The following LOC400499 variants were observed in gnomAD, a reference collection of about 807,000 sequenced individuals.
At chr16:11,402,364 T>C in the LOC400499 span, 1 of 387,620 alleles carries the variant, frequency 2.6e-6, no homozygotes, top group Non-Finnish European at 4.6e-6. Context: ...CCCTGCACTG[T>C]CCCTGTGGGA....
chr16:11,511,210 T>G, the LOC400499 span, among the ~76,000 whole-genome samples: 7 of 152,162 alleles, frequency 4.6e-5, no homozygotes, highest in African/African-American at 1.7e-4. Flanking sequence ...GTTGCCAGAC[T>G]GGTGTCAAAC....
At chr16:11,401,245 G>A in the LOC400499 span, 7 of 399,040 alleles carry the variant, frequency 1.8e-5, no homozygotes, top group Admixed American at 4.4e-5. Flanking sequence ...GGCCAAGGGC[G>A]CCTGGGACAT....
the LOC400499 span, among the ~76,000 whole-genome samples, chr16:11,517,794 G>T: frequency 6.6e-6 from 1 of 152,144 alleles, no homozygotes; most frequent in Admixed American, 6.5e-5. Flanking sequence ...GAAGTGAAGG[G>T]GTGGGAAGTG....
the LOC400499 span, among the ~76,000 whole-genome samples, chr16:11,502,541 T>C: frequency 2.0e-5 from 3 of 152,166 alleles, no homozygotes; most frequent in African/African-American, 7.2e-5. Context: ...GATTGTAATA[T>C]AATTATTCTA....
the LOC400499 span, chr16:11,518,909 T>G: frequency 2.5e-6 from 1 of 399,056 alleles, no homozygotes. Flanking sequence ...CCTCAGGCTC[T>G]CCGACTCCTT....
the LOC400499 span, chr16:11,396,539 C>T: frequency 3.2e-6 from 4 of 1,232,078 alleles, no homozygotes; most frequent in Middle Eastern, 3.1e-4. Flanking sequence ...GTCAGCTGAA[C>T]GAGGCCTGCT....
chr16:11,493,828 G>T, the LOC400499 span: 2 of 301,442 alleles, frequency 6.6e-6, no homozygotes, highest in Admixed American at 6.1e-5. Context: ...ACCATGAGGG[G>T]CAGTGGCGTG....
chr16:11,468,982 C>T, the LOC400499 span, among the ~76,000 whole-genome samples: 6 of 152,178 alleles, frequency 3.9e-5, no homozygotes, highest in South Asian at 4.1e-4. Context: ...ACATCAATGA[C>T]GGTGGGATTT....
the LOC400499 span, chr16:11,390,249 G>C: frequency 1.6e-6 from 2 of 1,232,592 alleles, no homozygotes; most frequent in Non-Finnish European, 2.0e-6. Context: ...ATCCTCACCT[G>C]CCAACTACGC....
At chr16:11,430,226 C>A in the LOC400499 span, among the ~76,000 whole-genome samples, 2 of 152,168 alleles carry the variant, frequency 1.3e-5, no homozygotes, top group Non-Finnish European at 2.9e-5. Flanking sequence ...GTGGCTCACA[C>A]CTGTAATCCC....
the LOC400499 span, among the ~76,000 whole-genome samples, chr16:11,448,374 C>A: frequency 6.6e-6 from 1 of 152,218 alleles, no homozygotes; most frequent in Non-Finnish European, 1.5e-5. Flanking sequence ...GGGTCCATTT[C>A]ACAGGCCAAG....
At chr16:11,467,379 G>A in the LOC400499 span, 45,381 of 151,124 alleles carry the variant, frequency 0.3, 7,110 homozygotes, top group Admixed American at 0.42. Flanking sequence ...GGAGGCCAAG[G>A]TGGGCAGACT....
At chr16:11,513,041 C>T in the LOC400499 span, among the ~76,000 whole-genome samples, 756 of 152,362 alleles carry the variant, frequency 5.0e-3, 5 homozygotes, top group South Asian at 0.032. Flanking sequence ...CCCTGCCTCT[C>T]ACTCACCGTG....
At chr16:11,443,432 G>A in the LOC400499 span, 29 of 386,800 alleles carry the variant, frequency 7.5e-5, no homozygotes, top group Admixed American at 8.3e-4. Flanking sequence ...TTGCACTCCA[G>A]ACTCCAGCCT....
chr16:11,460,525 C>T, the LOC400499 span: 12 of 1,534,996 alleles, frequency 7.8e-6, no homozygotes, highest in Admixed American at 2.4e-4. Context: ...CGTGGCGCAG[C>T]TCCAGCCTGT....
At chr16:11,509,802 G>C in the LOC400499 span, among the ~76,000 whole-genome samples, 1 of 152,094 alleles carries the variant, frequency 6.6e-6, no homozygotes, top group Non-Finnish European at 1.5e-5. Context: ...CTGCACCCCA[G>C]CCTGGGTGAC....
At chr16:11,465,633 G>C in the LOC400499 span, 1 of 152,086 alleles carries the variant, frequency 6.6e-6, no homozygotes, top group Non-Finnish European at 1.5e-5. Context: ...AAATAGAAGG[G>C]CATGGTGGCA....
At chr16:11,411,725 G>A in the LOC400499 span, among the ~76,000 whole-genome samples, 33 of 152,210 alleles carry the variant, frequency 2.2e-4, no homozygotes, top group South Asian at 6.8e-3. Flanking sequence ...GGTCCCATGG[G>A]AGTCCCAGCA....
At chr16:11,398,303 G>A in the LOC400499 span, 102,531 of 1,230,228 alleles carry the variant, frequency 0.083, 4,494 homozygotes, top group Middle Eastern at 0.13. Context: ...CCCTCACCAT[G>A]GGTCCCTGGT....
Sources: gnomAD v4.1 joint callset for allele counts (sites outside exome capture counted in the v4.1 genomes callset) on GRCh38, gnomAD v4.1.1 for gene constraint, MANE v1.5 for transcripts.